The following ARHGAP32 variants were observed in gnomAD, a reference collection of about 807,000 sequenced individuals.
The protein encoded by ARHGAP32 is Rho GTPase activating protein 32.
In ARHGAP32, 51 loss-of-function variants were observed where a neutral mutation model predicts 186.5. The ratio of observed to expected loss-of-function variants is 0.27; its 90% CI spans 0.22 to 0.35. The LOEUF (loss-of-function observed/expected upper bound fraction) is 0.35, where lower values mean the gene tolerates loss of function less well. ARHGAP32 is among the 10% of genes least tolerant of loss of function. The pLI is 1.00. For missense variants in ARHGAP32, 2,186 were observed against 2,623.5 expected, an observed-to-expected ratio of 0.83 and a Z score of 3.64; for synonymous variants, 950 against 964.3, an observed-to-expected ratio of 0.99 and a Z score of 0.27.
intron 2 of ARHGAP32, among the ~76,000 whole-genome samples, chr11:129,157,298 T>C (rs1171801321): frequency 2.0e-5 from 3 of 152,064 alleles, no homozygotes; most frequent in African/African-American, 7.2e-5. Flanking sequence ...AAGGAGCATG[T>C]TGTAACCCAA....
At chr11:129,133,470 C>G (rs553165339) in intron 2 of ARHGAP32, among the ~76,000 whole-genome samples, 401 of 152,172 alleles carry the variant, frequency 2.6e-3, no homozygotes, top group African/African-American at 9.1e-3. Context: ...ACATCATAAT[C>G]AAGCTGTTGA....
intron 2 of ARHGAP32, among the ~76,000 whole-genome samples, chr11:129,159,961 C>A (rs1943495104): frequency 6.6e-6 from 1 of 151,938 alleles, no homozygotes; most frequent in Non-Finnish European, 1.5e-5. Flanking sequence ...GAACCAATAA[C>A]AAAACAGAAC....
chr11:129,259,983 A>G (rs1281481013), intron 1 of ARHGAP32, among the ~76,000 whole-genome samples: 2 of 152,140 alleles, frequency 1.3e-5, no homozygotes, highest in Non-Finnish European at 2.9e-5. Context: ...CCATTCTCAA[A>G]CAATCCCTTG....
At chr11:128,995,195 G>A (rs1488404642) in intron 12 of ARHGAP32, among the ~76,000 whole-genome samples, 1 of 151,970 alleles carries the variant, frequency 6.6e-6, no homozygotes, top group Non-Finnish European at 1.5e-5. Context: ...TTCCTACACT[G>A]TATTCAAACT....
intron 1 of ARHGAP32, among the ~76,000 whole-genome samples, chr11:129,227,730 C>T (rs955514429): frequency 6.6e-6 from 1 of 152,058 alleles, no homozygotes; most frequent in African/African-American, 2.4e-5. Flanking sequence ...CAACAACAGA[C>T]ACCCAAAATA....
chr11:128,970,860 AC>A lies in ARHGAP32; in HGVS notation c.4352del (p.Ser1451IlefsTer60). ...CAGTGACAAAGGAATGATAATTTGAACTGCTGGTGGCATCTGCACTGCTGGA... is the reference window on the plus strand; with the variant it reads ...CAGTGACAAAGGAATGATAATTTGAATGCTGGTGGCATCTGCACTGCTGGA... Reference protein sequence around the residue: ...IHSSSADATSSSNYHSFVTAS... With the variant: ...IHSSSADATSXSNYHSFVTAS... On this transcript the variant is annotated frameshift_variant, in exon 23 of 23. Transcript: ENST00000682385. LOFTEE classifies it high-confidence loss of function. The surrounding 1 kb of genome is among the most constrained non-coding windows in gnomAD (Gnocchi z 5.8). The A allele has an allele frequency of 6.2e-7, 1 of 1,614,170 alleles. No homozygotes were observed.
At chr11:129,263,385 CA>C (rs1021183134) in intron 1 of ARHGAP32, among the ~76,000 whole-genome samples, 4 of 151,618 alleles carry the variant, frequency 2.6e-5, no homozygotes, top group Non-Finnish European at 4.4e-5. Flanking sequence ...AACTCAACAA[CA>C]AAAAAAACTA....
chr11:129,171,916 T>C (rs1943771108), intron 1 of ARHGAP32, among the ~76,000 whole-genome samples: 3 of 152,022 alleles, frequency 2.0e-5, no homozygotes, highest in Admixed American at 1.3e-4. Context: ...CTAGGTATTT[T>C]ATTCTCTTTG....
intron 1 of ARHGAP32, among the ~76,000 whole-genome samples, chr11:129,208,704 GC>G (rs1171040607): frequency 1.4e-5 from 2 of 141,066 alleles, no homozygotes; most frequent in Non-Finnish European, 3.1e-5. Flanking sequence ...TGCTCTTGTT[GC>G]CCAGGCTGGA....
At chr11:129,001,520 T>A (rs1293665181) in intron 11 of ARHGAP32, among the ~76,000 whole-genome samples, 1 of 152,250 alleles carries the variant, frequency 6.6e-6, no homozygotes, top group Non-Finnish European at 1.5e-5. Context: ...TCATCCTTTG[T>A]CAGATGGGTA....
intron 1 of ARHGAP32, among the ~76,000 whole-genome samples, chr11:129,168,692 T>A (rs1182254277): frequency 6.6e-6 from 1 of 152,080 alleles, no homozygotes; most frequent in Non-Finnish European, 1.5e-5. Flanking sequence ...ACCCAACAAC[T>A]ACAAAACTCA....
At chr11:129,156,769 T>C (rs1943418203) in intron 2 of ARHGAP32, among the ~76,000 whole-genome samples, 1 of 152,198 alleles carries the variant, frequency 6.6e-6, no homozygotes, top group Non-Finnish European at 1.5e-5. Context: ...CTGAACCCCA[T>C]GCCTCCTGAC....
intron 1 of ARHGAP32, among the ~76,000 whole-genome samples, chr11:129,174,467 G>A (rs1943857548): frequency 6.6e-6 from 1 of 152,202 alleles, no homozygotes; most frequent in Admixed American, 6.5e-5. Flanking sequence ...GCCTGCCTCT[G>A]TAGGCTCCAC....
At chr11:129,049,651 T>C (rs1431048524) in intron 10 of ARHGAP32, among the ~76,000 whole-genome samples, 1 of 152,236 alleles carries the variant, frequency 6.6e-6, no homozygotes, top group Non-Finnish European at 1.5e-5. Flanking sequence ...CTCTTTTTTG[T>C]CTGCCTTCTT....
Position 129,055,060 on chromosome 11 carries a change from C to T in ARHGAP32, c.963+7220G>A, listed in dbSNP as rs568372376. Among the ~76,000 whole-genome samples, 5 of 152,284 alleles carry T rather than the reference C, an allele frequency of 3.3e-5. No homozygotes were observed. In the East Asian group the frequency reaches 5.8e-4, roughly 18 times the overall value. ...AGATCCTACCCCACAACGACTGAAA[C>T]GAACTGTAGGGCTTAGGCCCTGGGA... On this transcript the variant is annotated intron_variant, in intron 10 of 22. Coordinates refer to ENST00000682385, the MANE Select transcript of ARHGAP32 (RefSeq NM_001378024.1).
chr11:129,115,626 A>C (rs901088147), intron 5 of ARHGAP32, among the ~76,000 whole-genome samples: 2 of 152,126 alleles, frequency 1.3e-5, no homozygotes, highest in Non-Finnish European at 2.9e-5. Flanking sequence ...AAGAACATAT[A>C]CTTGTCAGGA....
chr11:129,137,997 T>C (rs540652395), intron 2 of ARHGAP32, among the ~76,000 whole-genome samples: 1 of 152,080 alleles, frequency 6.6e-6, no homozygotes, highest in East Asian at 1.9e-4. Context: ...AACATTTTAA[T>C]AAAAGCACAT....
chr11:129,271,563 C>CA (rs1945472650), intron 1 of ARHGAP32, among the ~76,000 whole-genome samples: 1 of 151,842 alleles, frequency 6.6e-6, no homozygotes, highest in Non-Finnish European at 1.5e-5. Context: ...CATGGAGTTA[C>CA]AAGAGTCTAG....
At chr11:129,130,829 C>T (rs1942792389) in intron 2 of ARHGAP32, among the ~76,000 whole-genome samples, 1 of 152,094 alleles carries the variant, frequency 6.6e-6, no homozygotes, top group African/African-American at 2.4e-5. Flanking sequence ...CCTATGACTA[C>T]ACTCCCAAAT....
Sources: allele counts gnomAD v4.1 joint callset (sites outside exome capture counted in the v4.1 genomes callset), GRCh38; gene constraint gnomAD v4.1.1; non-coding constraint Gnocchi (gnomAD v3.1); transcripts MANE v1.5; gene names NCBI Gene and HGNC (gene_info 2026-07-23, HGNC 2026-07-21).